The following DIAPH3 variants were observed in gnomAD, a reference collection of about 807,000 sequenced individuals.
DIAPH3 encodes the protein protein diaphanous homolog 3.
Under a neutral mutation model 144.3 loss-of-function variants are expected in DIAPH3, and 117 were observed. That is an observed-to-expected ratio of 0.81 (90% CI 0.70 to 0.95). The LOEUF is 0.95. DIAPH3 is among the 40% of genes least tolerant of loss of function. DIAPH3 has a pLI of 0.00. For missense variants in DIAPH3, 1,421 were observed against 1,412.7 expected (o/e 1.01, Z -0.09); for synonymous variants, 519 against 488.9 (o/e 1.06, Z -0.81).
intron 1 of DIAPH3, 138 bp downstream of exon 1, chr13:60,163,449 C>A: frequency 2.5e-6 from 3 of 1,207,328 alleles, no homozygotes; most frequent in Non-Finnish European, 3.4e-6. Context: ...TAGACCCGGT[C>A]GTTGTCAATC....
chr13:59,921,422 A>T (rs1653664210), intron 18 of DIAPH3, among the ~76,000 whole-genome samples: 1 of 151,806 alleles, frequency 6.6e-6, no homozygotes, highest in Non-Finnish European at 1.5e-5. Context: ...ATAAAAAAAG[A>T]ATTATATGAG....
intron 21 of DIAPH3, among the ~76,000 whole-genome samples, chr13:59,864,567 C>G (rs990142497): frequency 6.6e-6 from 1 of 151,984 alleles, no homozygotes; most frequent in African/African-American, 2.4e-5. Context: ...CTAGGATTAA[C>G]GTATCAAGAA....
At chr13:59,763,002 C>G (rs1228749497) in intron 27 of DIAPH3, among the ~76,000 whole-genome samples, 2 of 152,102 alleles carry the variant, frequency 1.3e-5, no homozygotes, top group African/African-American at 4.8e-5. Context: ...TCTTGAACTT[C>G]CCAGCCTCCA....
In DIAPH3 at chr13:59,847,585, AT is replaced by A. The variant is rs1217310809; in HGVS notation, c.2738-8138del. Among the ~76,000 whole-genome samples the A allele has an allele frequency of 2.0e-5, 3 of 152,222 alleles. No homozygotes were observed. In the East Asian group the frequency reaches 5.8e-4, roughly 29 times the overall value. On this transcript the variant is annotated intron_variant, in intron 22 of 27. Transcript: ENST00000400324. ...TAGATAAGATGTTCAAAACCATGGT[AT>A]AAATATTACATAAGAGGTGCATAAC... is the stretch of plus-strand genomic sequence containing the variant.
chr13:59,961,216 T>G (rs2049735783), intron 17 of DIAPH3, among the ~76,000 whole-genome samples: 1 of 152,218 alleles, frequency 6.6e-6, no homozygotes, highest in Admixed American at 6.5e-5. Context: ...AGTTCTGTAT[T>G]CTCAACATTT....
intron 3 of DIAPH3, among the ~76,000 whole-genome samples, chr13:60,109,235 C>T (rs988991072): frequency 5.3e-5 from 8 of 152,156 alleles, no homozygotes; most frequent in Admixed American, 3.3e-4. Flanking sequence ...TTCTTTCACA[C>T]GGTGTGTGAC....
chr13:59,909,916 G>A (rs754490318), intron 20 of DIAPH3, among the ~76,000 whole-genome samples: 2 of 152,180 alleles, frequency 1.3e-5, no homozygotes, highest in East Asian at 1.9e-4. Context: ...GCTCTTTGAT[G>A]TGAATTCTTA....
At chr13:59,687,384 A>G (rs951998038) in intron 27 of DIAPH3, among the ~76,000 whole-genome samples, 2 of 152,110 alleles carry the variant, frequency 1.3e-5, no homozygotes, top group Non-Finnish European at 2.9e-5. Context: ...AAAAACAATT[A>G]TAAGAGGGAA....
intron 25 of DIAPH3, among the ~76,000 whole-genome samples, chr13:59,795,611 T>G (rs11840375): frequency 0.076 from 11,556 of 151,880 alleles, 570 homozygotes; most frequent in South Asian, 0.19. Flanking sequence ...CCGCCACCAT[T>G]CCAGGCTATT....
Position 59,740,761 on chromosome 13 carries a change from T to C in DIAPH3, c.3319+33428A>G, listed in dbSNP as rs139487637. ...TAACAAGTTAGAATCACTTGATCTATATTAGAGAAAAAATATATTTACTTC... is the reference window on the plus strand; with the variant it reads ...TAACAAGTTAGAATCACTTGATCTACATTAGAGAAAAAATATATTTACTTC... On this transcript the variant is annotated intron_variant, in intron 27 of 27. Transcript: ENST00000400324. 1.9e-3 allele frequency among the ~76,000 whole-genome samples: 287 copies of C among 152,278 alleles called. 2 individuals are homozygous for C. Among genetic ancestry groups the C allele is most frequent in the African/African-American group, 6.7e-3 (278 of 41,560 alleles).
At chr13:60,096,045 C>T (rs755800262) in intron 3 of DIAPH3, among the ~76,000 whole-genome samples, 4 of 152,076 alleles carry the variant, frequency 2.6e-5, no homozygotes, top group Non-Finnish European at 5.9e-5. Context: ...AATTGAAATA[C>T]ATATTTTATT....
At chr13:59,836,054 C>T (rs2042028938) in intron 23 of DIAPH3, among the ~76,000 whole-genome samples, 1 of 151,656 alleles carries the variant, frequency 6.6e-6, no homozygotes, top group African/African-American at 2.4e-5. Flanking sequence ...AGTAACTTGT[C>T]ACATAAGTTG....
intron 21 of DIAPH3, among the ~76,000 whole-genome samples, chr13:59,870,622 ACTTT>A (rs2044199869): frequency 6.6e-6 from 1 of 150,442 alleles, no homozygotes; most frequent in African/African-American, 2.4e-5. Context: ...AATGTCTATT[ACTTT>A]ATTAGATCTT....
intron 27 of DIAPH3, among the ~76,000 whole-genome samples, chr13:59,703,450 T>C (rs2034228587): frequency 6.6e-6 from 1 of 152,212 alleles, no homozygotes; most frequent in Non-Finnish European, 1.5e-5. Context: ...ACAGCATCTT[T>C]TTTTGCTCTC....
chr13:59,839,373 G>A lies in DIAPH3; in HGVS notation c.2813C>T (p.Thr938Ile), dbSNP rs1223105391. 3.1e-6 allele frequency: 5 copies of A among 1,613,702 alleles called. No individual in the cohort carries two copies. The highest frequency in any genetic ancestry group is 1.3e-5 in the African/African-American group (1 of 75,022). The stretch of plus-strand genomic sequence containing the variant: ...ATGCAAGTCCTCAGGAGGGGGAAAG[G>A]TTTCCAATTCCTTCTCAAGCTGTTG... ...QLQQLEKELE[T>I]FPPPEDLHDK... The change falls in exon 23 of 28, where the codon ACC (threonine) becomes ATC (isoleucine). Residue 938 changes from threonine to isoleucine, a missense_variant. Thr to Ile is a moderately conservative substitution (Grantham distance 89). Coordinates refer to ENST00000400324, the MANE Select transcript of DIAPH3 (RefSeq NM_001042517.2).
At chr13:59,903,627 G>T (rs1056593869) in intron 20 of DIAPH3, among the ~76,000 whole-genome samples, 1 of 147,952 alleles carries the variant, frequency 6.8e-6, no homozygotes, top group South Asian at 2.1e-4. Context: ...AAAAAAAAAA[G>T]TGTGAATTAT....
At chr13:59,761,902 A>T (rs1443594926) in intron 27 of DIAPH3, among the ~76,000 whole-genome samples, 1 of 152,090 alleles carries the variant, frequency 6.6e-6, no homozygotes, top group Non-Finnish European at 1.5e-5. Flanking sequence ...ATCTTAATAC[A>T]GATAAACTTA....
chr13:59,983,484 T>G (rs1005448151), intron 13 of DIAPH3, among the ~76,000 whole-genome samples: 1 of 151,664 alleles, frequency 6.6e-6, no homozygotes, highest in African/African-American at 2.4e-5. Context: ...CAGTTTTTGT[T>G]GTTTTATTGA....
chr13:59,721,561 G>A (rs2035346854), intron 27 of DIAPH3, among the ~76,000 whole-genome samples: 1 of 152,038 alleles, frequency 6.6e-6, no homozygotes, highest in African/African-American at 2.4e-5. Context: ...GTTTCTCTAT[G>A]TTCTAAATCA....
Sources: allele counts gnomAD v4.1 joint callset (sites outside exome capture counted in the v4.1 genomes callset), GRCh38; gene constraint gnomAD v4.1.1; transcripts MANE v1.5; gene names NCBI Gene and HGNC (gene_info 2026-07-23, HGNC 2026-07-21).